Variants in CDC42BPB observed in about 807,000 individuals in gnomAD.
CDC42BPB encodes the protein serine/threonine-protein kinase MRCK beta.
In CDC42BPB, 37 loss-of-function variants were observed where a neutral mutation model predicts 214.9. That is an observed-to-expected ratio of 0.17 (90% confidence interval 0.13 to 0.23). The LOEUF (loss-of-function observed/expected upper bound fraction) is 0.23. Among genes scored for constraint, CDC42BPB ranks in the 10% least tolerant of loss-of-function variants. CDC42BPB has a pLI of 1.00. For synonymous variants in CDC42BPB, 931 were observed against 884.0 expected (o/e 1.05, Z -0.94); for missense variants, 1,694 against 2,227.0 (o/e 0.76, Z 4.82).
At chr14:102,970,342 C>CA in intron 13 of CDC42BPB, 81 bp from the exon 14 acceptor site, 1 of 1,520,342 alleles carries the variant, frequency 6.6e-7, no homozygotes. Flanking sequence ...GGGACCTCCA[C>CA]AAGAACAAGA....
At chr14:103,048,559 A>AAAAAAAAAAC (rs1888427080) in intron 1 of CDC42BPB, among the ~76,000 whole-genome samples, 1 of 148,988 alleles carries the variant, frequency 6.7e-6, no homozygotes, top group Non-Finnish European at 1.5e-5. Flanking sequence ...AAAAAAAAAA[A>AAAAAAAAAAC]AATTAGCCAG....
chr14:103,022,417 A>G (rs1323633356), intron 1 of CDC42BPB, among the ~76,000 whole-genome samples: 2 of 152,152 alleles, frequency 1.3e-5, no homozygotes, highest in South Asian at 4.1e-4. Context: ...CCTGGAGCAC[A>G]GTGATGCCAT....
In CDC42BPB at chr14:103,004,300, C is replaced by T; in HGVS notation, c.352-277G>A. On this transcript the variant is annotated intron_variant, in intron 3 of 36. Transcript: ENST00000361246. The surrounding 1 kb of genome is among the most constrained non-coding windows in gnomAD (Gnocchi z 5.3). ...CTGTGGCTGACACTTAGATTCACCC[C>T]ACCCTTATGTGGATTCCTGACTGGG... 3.1e-6 allele frequency: 2 copies of T among 645,736 alleles called. No homozygotes were observed. Among genetic ancestry groups the T allele is most frequent in the South Asian group, 6.8e-5 (2 of 29,476 alleles). The allele number at this position is 645,736 out of a possible 1,614,324, so 40.0% of individuals were successfully genotyped here.
Position 103,001,866 on chromosome 14 carries a change from C to T in CDC42BPB, c.447+2062G>A, listed in dbSNP as rs1895001104. Among the ~76,000 whole-genome samples, 1 of 152,180 alleles carries T rather than the reference C, an allele frequency of 6.6e-6. No homozygotes were observed. The highest frequency in any genetic ancestry group is 2.4e-5 in the African/African-American group (1 of 41,452). ...CTCTAAGAGGAGGAGCTTCCTACAG[C>T]AGCACTGGGTCTGATCAACGGTCTC... On this transcript the variant is annotated intron_variant, in intron 4 of 36. Transcript: ENST00000361246. The surrounding 1 kb of genome is among the most constrained non-coding windows in gnomAD (Gnocchi z 5.8).
chr14:102,995,918 T>A (rs1386171460), intron 5 of CDC42BPB, among the ~76,000 whole-genome samples: 1 of 152,246 alleles, frequency 6.6e-6, no homozygotes, highest in Non-Finnish European at 1.5e-5. Context: ...ATCTCTGTTC[T>A]ATTTTTAGAT....
intron 1 of CDC42BPB, among the ~76,000 whole-genome samples, chr14:103,038,329 G>A (rs1193983068): frequency 4.0e-5 from 6 of 148,390 alleles, no homozygotes; most frequent in Admixed American, 6.7e-5. Flanking sequence ...CAGAGCGAGC[G>A]AGACTCTGTC....
chr14:103,004,451 G>A lies in CDC42BPB; in HGVS notation c.352-428C>T, dbSNP rs1210021850. On this transcript the variant is annotated intron_variant, in intron 3 of 36. Coordinates refer to ENST00000361246, the MANE Select transcript of CDC42BPB (RefSeq NM_006035.4). The surrounding 1 kb of genome is among the most constrained non-coding windows in gnomAD (Gnocchi z 5.3). Reference sequence around the variant, plus strand: ...CCACTACTGAGCTGCTGTGCAGCTGGCAGAAGGCGCACACGTTTGCTGAAA... The same window carrying A: ...CCACTACTGAGCTGCTGTGCAGCTGACAGAAGGCGCACACGTTTGCTGAAA... Among the ~76,000 whole-genome samples, 1 of 152,194 alleles carries A rather than the reference G, an allele frequency of 6.6e-6. No individual in the cohort carries two copies. Among genetic ancestry groups the A allele is most frequent in the Non-Finnish European group, 1.5e-5 (1 of 68,040 alleles).
chr14:102,983,505 C>G (rs1894100299), intron 7 of CDC42BPB, 51 bp downstream of exon 7: 1 of 1,592,158 alleles, frequency 6.3e-7, no homozygotes, highest in East Asian at 2.2e-5. Flanking sequence ...GCTCTCTGTA[C>G]TTTAGGCCTG....
At position 102,968,329 on chromosome 14, in the gene CDC42BPB, G is replaced by T. The variant is rs776230318; in HGVS notation, c.2270C>A (p.Thr757Lys). The change falls in exon 16 of 37, where the codon ACA becomes AAA. Residue 757 changes from threonine (T) to lysine (K), a missense_variant. Coordinates refer to ENST00000361246, the MANE Select transcript of CDC42BPB (RefSeq NM_006035.4). ...RHNEMEEAVGTIKDKYERERA... is the reference protein window; with the variant it reads ...RHNEMEEAVGKIKDKYERERA... ...TTCTCGTTCGTATTTATCTTTTATT[G>T]TACCTACTGCCTCCTCCATCTCGTT... The T allele has an allele frequency of 1.9e-6, 3 of 1,613,490 alleles. No individual in the cohort carries two copies. The highest frequency in any genetic ancestry group is 1.7e-5 in the Admixed American group (1 of 59,932).
At chr14:103,009,995 A>G (rs935121650) in intron 2 of CDC42BPB, among the ~76,000 whole-genome samples, 1 of 152,182 alleles carries the variant, frequency 6.6e-6, no homozygotes, top group Non-Finnish European at 1.5e-5. Flanking sequence ...AGAAAAAAAG[A>G]AAACAACTAG....
At chr14:103,038,279 A>C (rs1887783719) in intron 1 of CDC42BPB, among the ~76,000 whole-genome samples, 1 of 148,730 alleles carries the variant, frequency 6.7e-6, no homozygotes, top group South Asian at 2.3e-4. Flanking sequence ...CGGAGCTTGC[A>C]GTGAGCCGAG....
chr14:102,995,976 A>G (rs894869362), intron 5 of CDC42BPB, among the ~76,000 whole-genome samples: 1 of 152,200 alleles, frequency 6.6e-6, no homozygotes, highest in Non-Finnish European at 1.5e-5. Context: ...GGGGGGAAAA[A>G]TAAAGTTTTA....
intron 1 of CDC42BPB, among the ~76,000 whole-genome samples, chr14:103,030,447 G>C (rs2034598230): frequency 6.6e-6 from 1 of 152,198 alleles, no homozygotes; most frequent in South Asian, 2.1e-4. Flanking sequence ...TGTAATCTCA[G>C]CACTTTGGGA....
Position 103,051,812 on chromosome 14 carries a change from C to T in CDC42BPB, c.175+5187G>A, listed in dbSNP as rs118077378. Among the ~76,000 whole-genome samples, 1,253 of 152,210 alleles carry T rather than the reference C, an allele frequency of 8.2e-3. 15 individuals carry two copies. The highest frequency in any genetic ancestry group is 0.014 in the Non-Finnish European group (961 of 68,014). On this transcript the variant is annotated intron_variant, in intron 1 of 36. Transcript: ENST00000361246. ...TAGATTTAAGAGAGACACTGCTGCT[C>T]ACTGTGAAGCCCAACTGTCATGGAA... is the stretch of plus-strand genomic sequence containing the variant.
At chr14:102,946,868 G>A (rs1892204706) in intron 27 of CDC42BPB, 184 bp from the exon 28 acceptor site, 3 of 985,450 alleles carry the variant, frequency 3.0e-6, no homozygotes, top group Non-Finnish European at 3.6e-6. Context: ...GGACACGGAA[G>A]GGGCGGGGTT....
At chr14:102,996,353 G>C (rs1048720723) in intron 5 of CDC42BPB, among the ~76,000 whole-genome samples, 5 of 152,096 alleles carry the variant, frequency 3.3e-5, no homozygotes, top group Admixed American at 6.5e-5. Flanking sequence ...AAAGAAAAGA[G>C]AGAGAGAATG....
At chr14:103,041,513 A>T in intron 1 of CDC42BPB, 1 of 1,394,358 alleles carries the variant, frequency 7.2e-7, no homozygotes, top group East Asian at 2.3e-5. Context: ...TTCCACAAGG[A>T]CTGGCAGCTG....
At position 102,933,575 on chromosome 14, in the gene CDC42BPB, A is replaced by G. The variant is rs1184185920; in HGVS notation, c.*137T>C. ...CATAAAACTGATCAATATTATAATA[A>G]AGATTTGTCTTCTTCATCTCCATAT... On this transcript the variant is annotated 3_prime_UTR_variant, in exon 37 of 37. Transcript: ENST00000361246. 6 of 683,236 alleles carry G rather than the reference A, an allele frequency of 8.8e-6. No individual in the cohort carries two copies. Among genetic ancestry groups the G allele is most frequent in the African/African-American group, 1.9e-5 (1 of 52,476 alleles). 42.3% of individuals were successfully genotyped at this position (683,236 alleles called of 1,614,324 possible). A position where few individuals can be genotyped will look rare whatever the true frequency, so the allele number is the denominator to read the frequency against.
At chr14:103,035,081 A>G (rs1220825039) in intron 1 of CDC42BPB, among the ~76,000 whole-genome samples, 4 of 149,998 alleles carry the variant, frequency 2.7e-5, no homozygotes, top group Non-Finnish European at 5.9e-5. Context: ...TTTGAGACGG[A>G]GTTTCGCTTT....
Sources: allele counts gnomAD v4.1 joint callset (sites outside exome capture counted in the v4.1 genomes callset), GRCh38; gene constraint gnomAD v4.1.1; non-coding constraint Gnocchi (gnomAD v3.1); transcripts MANE v1.5; gene names NCBI Gene and HGNC (gene_info 2026-07-23, HGNC 2026-07-21).